Variants in ZDHHC15 observed in about 807,000 individuals in gnomAD.
ZDHHC15 encodes zDHHC palmitoyltransferase 15.
A neutral mutation model predicts 31.7 loss-of-function variants in ZDHHC15; 19 were observed. That is an observed-to-expected ratio of 0.60 (90% CI 0.42 to 0.88). ZDHHC15 has a LOEUF of 0.88. Ranked by LOEUF, ZDHHC15 falls within the 40% of genes least tolerant of loss-of-function variation. ZDHHC15 has a pLI of 0.00. For missense variants in ZDHHC15, 209 were observed against 251.2 expected (o/e 0.83, Z 1.14); for synonymous variants, 103 against 90.0 (o/e 1.14, Z -0.82).
At chrX:75,418,148 G>T (rs2083570199) in intron 9 of ZDHHC15, among the ~76,000 whole-genome samples, 1 of 111,656 alleles carries the variant, frequency 9.0e-6, no homozygotes, top group South Asian at 3.7e-4. Context: ...GTAATATCTG[G>T]TAACAGTTAT....
intron 10 of ZDHHC15, among the ~76,000 whole-genome samples, chrX:75,407,344 G>A (rs1444431828): frequency 1.7e-4 from 18 of 109,074 alleles, no homozygotes; most frequent in East Asian, 9.0e-4. Context: ...CAGCCACCCC[G>A]TCTGGGAAGT....
chrX:75,421,194 T>C (rs911483214), intron 9 of ZDHHC15, among the ~76,000 whole-genome samples: 2 of 101,892 alleles, frequency 2.0e-5, no homozygotes, highest in Non-Finnish European at 3.9e-5. Context: ...TCACTTAAAA[T>C]ATAGTACCAT....
chrX:75,463,212 T>C (rs2084347482), intron 3 of ZDHHC15, among the ~76,000 whole-genome samples: 1 of 110,736 alleles, frequency 9.0e-6, no homozygotes, highest in East Asian at 2.8e-4. Flanking sequence ...AAGGAAGAAA[T>C]TAAATCCTTG....
intron 4 of ZDHHC15, among the ~76,000 whole-genome samples, chrX:75,439,820 C>T (rs1445758225): frequency 1.8e-5 from 2 of 111,509 alleles, no homozygotes; most frequent in African/African-American, 6.5e-5. Context: ...TTCTGTGGCT[C>T]AAGGGCTGCT....
At chrX:75,391,895 T>C (rs924637879) in intron 10 of ZDHHC15, among the ~76,000 whole-genome samples, 4 of 111,789 alleles carry the variant, frequency 3.6e-5, no homozygotes, top group African/African-American at 9.7e-5. Context: ...AAAATAACTA[T>C]AACAACTTTT....
intron 1 of ZDHHC15, among the ~76,000 whole-genome samples, chrX:75,517,290 A>T (rs939564647): frequency 2.7e-5 from 3 of 111,379 alleles, no homozygotes; most frequent in Non-Finnish European, 3.8e-5. Flanking sequence ...ATGCACAAGT[A>T]TGTTTATTGC....
At chrX:75,444,694 A>ACC (rs2084008436) in intron 4 of ZDHHC15, among the ~76,000 whole-genome samples, 1 of 91,308 alleles carries the variant, frequency 1.1e-5, no homozygotes, top group Non-Finnish European at 2.1e-5. Context: ...ATATACACAC[A>ACC]CACACACACA....
chrX:75,392,042 G>A (rs1469079083), intron 10 of ZDHHC15, among the ~76,000 whole-genome samples: 1 of 112,126 alleles, frequency 8.9e-6, no homozygotes, highest in African/African-American at 3.2e-5. Context: ...TTAAAATAAT[G>A]GGTTATATTA....
chrX:75,502,230 T>C (rs1391676612), intron 2 of ZDHHC15: 1 of 111,671 alleles, frequency 9.0e-6, no homozygotes, highest in Non-Finnish European at 1.9e-5. Flanking sequence ...CTTCACATGG[T>C]CTTCCTTCTG....
At chrX:75,490,841 T>C (rs5981877) in intron 2 of ZDHHC15, among the ~76,000 whole-genome samples, 1,533 of 112,061 alleles carry the variant, frequency 0.014, 19 homozygotes, top group African/African-American at 0.047. Flanking sequence ...ACATTGATTT[T>C]GTATCCTGAG....
At chrX:75,458,388 T>G (rs2084258012) in intron 3 of ZDHHC15, among the ~76,000 whole-genome samples, 1 of 111,868 alleles carries the variant, frequency 8.9e-6, no homozygotes, top group African/African-American at 3.2e-5. Context: ...TACTGATTAC[T>G]TAGGTATAAT....
chrX:75,429,195 A>C lies in ZDHHC15; in HGVS notation c.486T>G (p.Val162=), dbSNP rs762749423. 4.2e-6 allele frequency: 5 copies of C among 1,196,149 alleles called. No homozygotes were observed. The highest frequency in any genetic ancestry group is 2.4e-4 in the Middle Eastern group (1 of 4,173). The change falls in exon 7 of 12, where the codon GTT becomes GTG. Residue 162 remains valine (V), a synonymous_variant. Transcript: ENST00000373367. The part of the protein sequence containing the change: ...VLKMDHHCPW[V]NNCIGFSNYK... Reference sequence around the variant, plus strand: ...AGTTGGAAAATCCAATGCAGTTATTAACCCTAAAAAAAAAGAAAAACTAAT... The same window carrying C: ...AGTTGGAAAATCCAATGCAGTTATTCACCCTAAAAAAAAAGAAAAACTAAT...
chrX:75,522,935 G>A lies in ZDHHC15; in HGVS notation c.90C>T (p.Leu30=). The A allele has an allele frequency of 4.1e-6, 5 of 1,211,862 alleles. No individual in the cohort carries two copies. The highest frequency in any genetic ancestry group is 3.0e-5 in the East Asian group (1 of 33,795). The change falls in exon 1 of 12, where the codon CTC becomes CTT. Residue 30 remains leucine (L), a synonymous_variant. Coordinates refer to ENST00000373367, the MANE Select transcript of ZDHHC15 (RefSeq NM_144969.3). ...LSWVPVLVIV[L]VVLWSYYAYV... is the part of the protein sequence containing the mutation. ...AGGCATAGTAGGACCAGAGCACGAC[G>A]AGGACAATAACGAGCACTGGCACCC...
In ZDHHC15 at chrX:75,483,291, G is replaced by A. The variant is rs1164043104; in HGVS notation, c.164-4306C>T. Among the ~76,000 whole-genome samples, 4 of 110,070 alleles carry A rather than the reference G, an allele frequency of 3.6e-5. No individual in the cohort carries two copies. In the South Asian group the frequency reaches 1.6e-3, roughly 43 times the overall value. On this transcript the variant is annotated intron_variant, in intron 2 of 11. Coordinates refer to ENST00000373367, the MANE Select transcript of ZDHHC15 (RefSeq NM_144969.3). The stretch of plus-strand genomic sequence containing the variant: ...GATTTCAGGGGCAGATGAACCACGG[G>A]TTTGTTAAAAAAGAGAAAAAATGGG...
At chrX:75,389,555 G>A (rs1042128543) in intron 10 of ZDHHC15, among the ~76,000 whole-genome samples, 1 of 109,749 alleles carries the variant, frequency 9.1e-6, no homozygotes. Context: ...GAGTCCTGAG[G>A]CCTCAATTTT....
At chrX:75,385,572 A>G (rs1166270450) in intron 10 of ZDHHC15, among the ~76,000 whole-genome samples, 2 of 111,819 alleles carry the variant, frequency 1.8e-5, no homozygotes, top group Non-Finnish European at 3.8e-5. Flanking sequence ...ACTGAAATAA[A>G]GATGATGAGT....
At chrX:75,394,337 C>T (rs1286586660) in intron 10 of ZDHHC15, among the ~76,000 whole-genome samples, 1 of 106,657 alleles carries the variant, frequency 9.4e-6, no homozygotes, top group African/African-American at 3.4e-5. Flanking sequence ...AACCAGAAAA[C>T]AAGTAATAGA....
intron 10 of ZDHHC15, among the ~76,000 whole-genome samples, chrX:75,407,180 C>T (rs898876115): frequency 9.1e-5 from 10 of 109,786 alleles, no homozygotes; most frequent in Non-Finnish European, 1.1e-4. Flanking sequence ...TGCCTGGCCG[C>T]GACCCCATCT....
At chrX:75,399,141 G>A (rs2083329103) in intron 10 of ZDHHC15, among the ~76,000 whole-genome samples, 1 of 111,271 alleles carries the variant, frequency 9.0e-6, no homozygotes, top group South Asian at 3.8e-4. Flanking sequence ...AAAGTGGCCA[G>A]ACTGTTATGT....
Sources: allele counts gnomAD v4.1 joint callset (sites outside exome capture counted in the v4.1 genomes callset), GRCh38; gene constraint gnomAD v4.1.1; transcripts MANE v1.5; gene names NCBI Gene and HGNC (gene_info 2026-07-23, HGNC 2026-07-21).